Variants in FAM120AOS observed in about 807,000 individuals in gnomAD.
FAM120AOS encodes the protein uncharacterized protein FAM120AOS.
In FAM120AOS, 15 loss-of-function variants were observed where a neutral mutation model predicts 20.2. That is an observed-to-expected ratio of 0.74 (90% confidence interval 0.50 to 1.15). The LOEUF is 1.15. Ranked by LOEUF, FAM120AOS falls within the 50% of genes most tolerant of loss-of-function variation. The probability of loss-of-function intolerance (pLI) is 0.00; values close to 1 mark genes in which losing one functional copy is unlikely to be tolerated. For synonymous variants in FAM120AOS, 154 were observed against 154.0 expected (o/e 1.00, Z 0.00); for missense variants, 327 against 351.9 (o/e 0.93, Z 0.57).
chr9:93,450,591 C>T lies in FAM120AOS; in HGVS notation c.572G>A (p.Cys191Tyr), dbSNP rs747171350. 57 of 1,606,356 alleles carry T rather than the reference C, an allele frequency of 3.5e-5. No homozygotes were observed. The East Asian group carries it at 1.2e-3, about 35-fold the overall frequency. ...QALASAARNLCRGAGCNRQAV... is the reference protein window; with the variant it reads ...QALASAARNLYRGAGCNRQAV... ...CTGTCGGTTGCATCCTGCTCCTCTA[C>T]AGAGGTTTCTCCAAAAAAAGAACAA... Residue 191 changes from cysteine to tyrosine, a missense_variant, in exon 2 of 3, where the codon TGT (cysteine) becomes TAT (tyrosine). Around this residue, in one of 3 missense-constraint regions of FAM120AOS, gnomAD observed 86 missense variants for 82.9 expected, o/e 1.04. Transcript: ENST00000375412.
Position 93,452,639 on chromosome 9 carries a change from T to G in FAM120AOS, c.71A>C (p.Gln24Pro). ...ASEFWSGALSQPSSVPTRPRT... is the reference protein window; with the variant it reads ...ASEFWSGALSPPSSVPTRPRT... Reference sequence around the variant, plus strand: ...CGGCCGCGTGGGGACACTTGAGGGCTGGGAGAGAGCCCCGGACCAGAATTC... The same window carrying G: ...CGGCCGCGTGGGGACACTTGAGGGCGGGGAGAGAGCCCCGGACCAGAATTC... Residue 24 changes from glutamine to proline, a missense_variant, in exon 1 of 3, where the codon CAG (glutamine) becomes CCG (proline). Transcript: ENST00000375412. The surrounding 1 kb of genome is among the most constrained non-coding windows in gnomAD (Gnocchi z 7.0). 1 of 1,599,238 alleles carries G rather than the reference T, an allele frequency of 6.3e-7. No individual in the cohort carries two copies. Among genetic ancestry groups the G allele is most frequent in the African/African-American group, 1.3e-5 (1 of 75,066 alleles).
rs1287281701 is a variant in FAM120AOS at position 93,453,347 on chromosome 9, G to A, written c.-638C>T. The A allele has an allele frequency of 2.0e-6, 2 of 985,544 alleles. No individual in the cohort carries two copies. Among genetic ancestry groups the A allele is most frequent in the Non-Finnish European group, 2.4e-6 (2 of 830,070 alleles). The allele number at this position is 985,544 out of a possible 1,614,324, so 61.0% of individuals were successfully genotyped here. A position where few individuals can be genotyped will look rare whatever the true frequency, so the allele number is the denominator to read the frequency against. On this transcript the variant is annotated 5_prime_UTR_variant, in exon 1 of 3. Coordinates refer to ENST00000375412, the MANE Select transcript of FAM120AOS (RefSeq NM_198841.4). ...GAGGAGAACTTCAGGACCCAGCAGT[G>A]ACTGTGAAGATAAGCACATCCATGA...
At chr9:93,451,145 G>A in intron 1 of FAM120AOS, 1 of 1,550,520 alleles carries the variant, frequency 6.4e-7, no homozygotes, top group South Asian at 1.2e-5. Flanking sequence ...GCCAGGCGCG[G>A]CCGGCCAGCA....
chr9:93,449,949 T>C (rs1322775415), intron 2 of FAM120AOS, among the ~76,000 whole-genome samples: 1 of 151,858 alleles, frequency 6.6e-6, no homozygotes, highest in Non-Finnish European at 1.5e-5. Context: ...TTCTGGATTT[T>C]GCTCGTTATT....
intron 1 of FAM120AOS, chr9:93,451,245 G>A: frequency 2.6e-6 from 4 of 1,516,112 alleles, no homozygotes; most frequent in Non-Finnish European, 3.5e-6. Context: ...GCGTCCCGAC[G>A]AACAGAGTGA....
Position 93,447,377 on chromosome 9 carries a change from G to T in FAM120AOS, c.*234C>A. 2.2e-6 allele frequency: 1 copy of T among 457,400 alleles called. No individual in the cohort carries two copies. The highest frequency in any genetic ancestry group is 3.9e-6 in the Non-Finnish European group (1 of 253,756). The allele number at this position is 457,400 out of a possible 1,614,324, so 28.3% of individuals were successfully genotyped here. Reference sequence around the variant, plus strand: ...TCGCTGTTTGTCTTATTTTCTTGTTGACTCTACTCTGACTTAGGACATATC... The same window carrying T: ...TCGCTGTTTGTCTTATTTTCTTGTTTACTCTACTCTGACTTAGGACATATC... On this transcript the variant is annotated 3_prime_UTR_variant, in exon 3 of 3. Coordinates refer to ENST00000375412, the MANE Select transcript of FAM120AOS (RefSeq NM_198841.4).
In FAM120AOS at chr9:93,452,856, G is replaced by C. The variant is rs369571714; in HGVS notation, c.-147C>G. 1 of 1,486,622 alleles carries C rather than the reference G, an allele frequency of 6.7e-7. No homozygotes were observed. Among genetic ancestry groups the C allele is most frequent in the Non-Finnish European group, 8.9e-7 (1 of 1,127,464 alleles). The allele number at this position is 1,486,622 out of a possible 1,614,324, so 92.1% of individuals were successfully genotyped here. ...TAGAGGGGGTTTCGCCAGAGCCCTT[G>C]GGGGCTGCAAATATCAGTGCTGCTG... On this transcript the variant is annotated 5_prime_UTR_variant, in exon 1 of 3. Transcript: ENST00000375412. This position sits in a 1 kb window ranked among gnomAD's most constrained non-coding sequence, Gnocchi z 7.0.
rs1361029239 is a variant in FAM120AOS at position 93,453,130 on chromosome 9, TC to T, written c.-422del. 9 of 1,006,058 alleles carry T rather than the reference TC, an allele frequency of 8.9e-6. No individual in the cohort carries two copies. The highest frequency in any genetic ancestry group is 1.1e-5 in the Non-Finnish European group (9 of 843,866). The allele number at this position is 1,006,058 out of a possible 1,614,324, so 62.3% of individuals were successfully genotyped here. A position where few individuals can be genotyped will look rare whatever the true frequency, so the allele number is the denominator to read the frequency against. ...CTTTAAGGCAGTTCGGTTTTGTAGA[TC>T]CCATGCGAAAGGAGTCGCTCAAAAT... On this transcript the variant is annotated 5_prime_UTR_variant, in exon 1 of 3. The change creates a premature stop within an existing upstream ORF in the 5' untranslated region. Coordinates refer to ENST00000375412, the MANE Select transcript of FAM120AOS (RefSeq NM_198841.4).
chr9:93,450,749 A>G (rs1857112881), intron 1 of FAM120AOS, 150 bp from the exon 2 acceptor site: 1 of 1,264,940 alleles, frequency 7.9e-7, no homozygotes, highest in African/African-American at 1.5e-5. Flanking sequence ...TACAGTATCA[A>G]CCTCATTTTA....
chr9:93,448,670 T>A (rs1856949665), intron 2 of FAM120AOS, among the ~76,000 whole-genome samples: 1 of 152,192 alleles, frequency 6.6e-6, no homozygotes, highest in Non-Finnish European at 1.5e-5. Flanking sequence ...CAGGCTAGAA[T>A]GCAGTGGCGT....
In FAM120AOS at chr9:93,446,228, C is replaced by T. The variant is rs1048761768; in HGVS notation, c.*1383G>A. On this transcript the variant is annotated 3_prime_UTR_variant, in exon 3 of 3. Transcript: ENST00000375412. The stretch of plus-strand genomic sequence containing the variant: ...CAAACGCCTGAGCCACAAGTCTTAG[C>T]TGTTTCCAGAAGGGTGATTGTGTGC... 6.6e-6 allele frequency among the ~76,000 whole-genome samples: 1 copy of T among 152,194 alleles called. No individual in the cohort carries two copies. Among genetic ancestry groups the T allele is most frequent in the African/African-American group, 2.4e-5 (1 of 41,448 alleles).
rs151222305 is a variant in FAM120AOS at position 93,444,909 on chromosome 9, C to T, written c.*2702G>A. On this transcript the variant is annotated 3_prime_UTR_variant, in exon 3 of 3. Transcript: ENST00000375412. ...GATTACAGGAATGAGCCACTGCACC[C>T]GGCCAGTTCTGCATTTCTTAAGAGA... Among the ~76,000 whole-genome samples, 29 of 152,232 alleles carry T rather than the reference C, an allele frequency of 1.9e-4. No individual in the cohort carries two copies. The highest frequency in any genetic ancestry group is 4.6e-4 in the African/African-American group (19 of 41,544).
At chr9:93,448,601 T>C (rs1342994058) in intron 2 of FAM120AOS, 1 of 152,954 alleles carries the variant, frequency 6.5e-6, no homozygotes, top group Non-Finnish European at 1.5e-5. Context: ...TATTAAATTT[T>C]AAATACAGAT....
At chr9:93,449,875 G>A (rs1403427519) in intron 2 of FAM120AOS, among the ~76,000 whole-genome samples, 1 of 152,168 alleles carries the variant, frequency 6.6e-6, no homozygotes, top group Non-Finnish European at 1.5e-5. Context: ...AAATACGAGT[G>A]ATTAAAAACT....
Position 93,452,816 on chromosome 9 carries a change from C to T in FAM120AOS, c.-107G>A. On this transcript the variant is annotated 5_prime_UTR_variant, in exon 1 of 3. Transcript: ENST00000375412. The surrounding 1 kb of genome is among the most constrained non-coding windows in gnomAD (Gnocchi z 7.0). ...GCAACAGGTTCATCTTGGAAGCAGG[C>T]AGGATACAGAGTAATAGAGGGGGTT... The T allele has an allele frequency of 6.3e-7, 1 of 1,577,150 alleles. No homozygotes were observed.
rs193083506 is a variant in FAM120AOS, at chr9:93,453,014, A to G, written c.-305T>C. On this transcript the variant is annotated 5_prime_UTR_variant, in exon 1 of 3. Coordinates refer to ENST00000375412, the MANE Select transcript of FAM120AOS (RefSeq NM_198841.4). ...TACAGGGTGTTTAGAGAATCTTTCT[A>G]TGGCTTTTTGTGTTAGATTTCAAAG... 31 of 1,205,306 alleles carry G rather than the reference A, an allele frequency of 2.6e-5. No homozygotes were observed. Among genetic ancestry groups the G allele is most frequent in the Non-Finnish European group, 3.2e-5 (31 of 967,208 alleles). The allele number at this position is 1,205,306 out of a possible 1,614,324, so 74.7% of individuals were successfully genotyped here.
At position 93,445,579 on chromosome 9, in the gene FAM120AOS, C is replaced by CTTT. The variant is rs1564289070; in HGVS notation, c.*2031_*2032insAAA. Among the ~76,000 whole-genome samples, 3 of 124,114 alleles carry CTTT rather than the reference C, an allele frequency of 2.4e-5. No homozygotes were observed. Among genetic ancestry groups the CTTT allele is most frequent in the African/African-American group, 6.0e-5 (2 of 33,178 alleles). 81.4% of individuals were successfully genotyped at this position (124,114 alleles called of 152,430 possible). A position where few individuals can be genotyped will look rare whatever the true frequency, so the allele number is the denominator to read the frequency against. On this transcript the variant is annotated 3_prime_UTR_variant, in exon 3 of 3. Coordinates refer to ENST00000375412, the MANE Select transcript of FAM120AOS (RefSeq NM_198841.4). ...CTGGTTCTCCAACTTTCATAAAAAT[C>CTTT]GTTGTTTTTTTTTTTTTTTTTTTTT... is the stretch of plus-strand genomic sequence containing the variant.
In FAM120AOS at chr9:93,447,965, CAATT is replaced by C. The variant is rs565365180; in HGVS notation, c.685-272_685-269del. Among the ~76,000 whole-genome samples the C allele has an allele frequency of 5.3e-4, 81 of 152,246 alleles. 1 individual carries two copies. In the East Asian group the frequency reaches 0.015, roughly 27 times the overall value. The stretch of plus-strand genomic sequence containing the variant: ...TGTTCTTCTGGGTAATTTAAATTGA[CAATT>C]AATTAACAGGGCTGGTGCTAGGTAA... On this transcript the variant is annotated intron_variant, in intron 2 of 2. Transcript: ENST00000375412.
intron 1 of FAM120AOS, chr9:93,451,276 A>G: frequency 6.8e-7 from 1 of 1,479,098 alleles, no homozygotes; most frequent in South Asian, 1.3e-5. Context: ...GCTCCCCTTC[A>G]AAGCGCCATC....
Sources: gnomAD v4.1 joint callset for allele counts (sites outside exome capture counted in the v4.1 genomes callset) on GRCh38, gnomAD v4.1.1 for gene constraint, gnomAD v4.1.1 regional missense constraint, Gnocchi (gnomAD v3.1) non-coding constraint, MANE v1.5 for transcripts, NCBI Gene and HGNC (gene_info 2026-07-23, HGNC 2026-07-21) for gene names.